Variants in AKR1C3 observed in about 807,000 individuals in gnomAD.
AKR1C3 encodes aldo-keto reductase family 1 member C3, also known as 3-alpha hydroxysteroid dehydrogenase, type II.
A neutral mutation model predicts 43.6 loss-of-function variants in AKR1C3; 48 were observed. The observed-to-expected ratio is 1.10, with a 90% CI of 0.87 to 1.40. AKR1C3 has a LOEUF of 1.40. AKR1C3 is among the 40% of genes most tolerant of loss of function. The pLI, the probability that AKR1C3 is intolerant of heterozygous loss-of-function variation, is 0.00. For missense variants in AKR1C3, 482 were observed against 391.2 expected, an observed-to-expected ratio of 1.23 and a Z score of -1.96; for synonymous variants, 162 against 139.6, an observed-to-expected ratio of 1.16 and a Z score of -1.13.
rs1281863645 is a variant in AKR1C3 at position 5,069,394 on chromosome 10, C to T, written c.84+20499C>T. ...ATTCTATTTATGAAAGTATATTCAA[C>T]ATGCTTAAACTGTCTAGAAGCCTAA... On this transcript the variant is annotated intron_variant, in intron 1 of 8. Transcript: ENST00000439082. 7.2e-5 allele frequency among the ~76,000 whole-genome samples: 11 copies of T among 152,290 alleles called. No individual in the cohort carries two copies. The East Asian group carries it at 1.7e-3, about 24-fold the overall frequency.
upstream of AKR1C3, among the ~76,000 whole-genome samples, chr10:5,090,358 G>T (rs72549133): frequency 9.7e-3 from 1,481 of 152,178 alleles, 21 homozygotes; most frequent in African/African-American, 0.034. Flanking sequence ...TCCACAACCT[G>T]GGTAGTCAGT....
chr10:5,079,653 C>G (rs1343663396), intron 1 of AKR1C3, among the ~76,000 whole-genome samples: 1 of 152,096 alleles, frequency 6.6e-6, no homozygotes, highest in African/African-American at 2.4e-5. Context: ...AGACTCACAT[C>G]TGTGTGGGGA....
chr10:5,097,884 GTGCCCAATAAAACTGCTGCACATGTGA>G, intron 3 of AKR1C3: 1 of 1,113,196 alleles, frequency 9.0e-7, no homozygotes, highest in Non-Finnish European at 1.1e-6. Context: ...TGCAGTTGTG[GTGCCCAATAAAACTGCTGCACATGTGA>G]TGCACAATGA....
intron 1 of AKR1C3, among the ~76,000 whole-genome samples, chr10:5,054,229 T>A (rs774414816): frequency 4.6e-5 from 7 of 152,228 alleles, no homozygotes; most frequent in African/African-American, 1.4e-4. Flanking sequence ...TATTTGGGAT[T>A]GTAAAGTAAG....
chr10:5,094,636 C>A, intron 1 of AKR1C3, 108 bp downstream of exon 1: 1 of 1,251,838 alleles, frequency 8.0e-7, no homozygotes. Flanking sequence ...CTGGATGACT[C>A]ACTGGTCTAG....
At chr10:5,098,222 T>C in intron 3 of AKR1C3, 1 of 972,626 alleles carries the variant, frequency 1.0e-6, no homozygotes, top group Non-Finnish European at 1.2e-6. Flanking sequence ...TACAAAAATG[T>C]ATCATTTGTC....
At chr10:5,077,983 A>G (rs537360680) in intron 1 of AKR1C3, 1 of 686,418 alleles carries the variant, frequency 1.5e-6, no homozygotes, top group South Asian at 1.6e-5. Flanking sequence ...CACAGGTAAG[A>G]ATCCTACATT....
chr10:5,098,959 G>A, intron 4 of AKR1C3, 80 bp downstream of exon 4: 1 of 1,153,570 alleles, frequency 8.7e-7, no homozygotes, highest in Non-Finnish European at 1.3e-6. Flanking sequence ...GGAAAGAATG[G>A]AATATGCACC....
intron 4 of AKR1C3, 45 bp downstream of exon 4, chr10:5,098,924 G>GA: frequency 1.3e-6 from 2 of 1,491,128 alleles, no homozygotes. Flanking sequence ...GACAAAAAGA[G>GA]AAAATCTGTT....
At chr10:5,085,200 T>A (rs1361594475) in intron 1 of AKR1C3, among the ~76,000 whole-genome samples, 5 of 152,034 alleles carry the variant, frequency 3.3e-5, no homozygotes, top group Admixed American at 6.6e-5. Context: ...CAGTATGATA[T>A]TAGCTGTGGG....
chr10:5,069,705 G>A (rs530502067), intron 1 of AKR1C3, among the ~76,000 whole-genome samples: 9 of 151,962 alleles, frequency 5.9e-5, no homozygotes, highest in South Asian at 4.2e-4. Flanking sequence ...TGAAACCCCC[G>A]TCTACTAAAA....
intron 2 of AKR1C3, 139 bp from the exon 3 acceptor site, chr10:5,097,295 A>T: frequency 9.7e-7 from 1 of 1,034,900 alleles, no homozygotes; most frequent in Non-Finnish European, 1.4e-6. Flanking sequence ...CAAAGGAATC[A>T]TGAGAAGGAA....
At chr10:5,068,645 G>C (rs1179906834) in intron 1 of AKR1C3, among the ~76,000 whole-genome samples, 1 of 152,168 alleles carries the variant, frequency 6.6e-6, no homozygotes, top group African/African-American at 2.4e-5. Context: ...GTTGTGTTCT[G>C]ATAAGATTAG....
chr10:5,088,096 C>T (rs1554783539), intron 1 of AKR1C3, among the ~76,000 whole-genome samples: 4 of 152,118 alleles, frequency 2.6e-5, no homozygotes. Context: ...TTCAGGGACA[C>T]ATTGTTTAAT....
intron 1 of AKR1C3, among the ~76,000 whole-genome samples, chr10:5,060,914 G>C (rs958787311): frequency 6.6e-6 from 1 of 152,226 alleles, no homozygotes; most frequent in Non-Finnish European, 1.5e-5. Context: ...CCTGGGGCTT[G>C]CGGGCTGGCC....
intron 5 of AKR1C3, 44 bp from the exon 6 acceptor site, chr10:5,102,057 C>A: frequency 8.3e-7 from 1 of 1,199,148 alleles, no homozygotes; most frequent in Non-Finnish European, 1.2e-6. Flanking sequence ...ATTAACATAA[C>A]TATTTCATAT....
chr10:5,060,005 C>T (rs1452147700), intron 1 of AKR1C3, among the ~76,000 whole-genome samples: 14 of 152,158 alleles, frequency 9.2e-5, no homozygotes, highest in South Asian at 6.2e-4. Flanking sequence ...TGCATGGTCT[C>T]GCTGGCTCAG....
chr10:5,075,552 A>G (rs1231255384), intron 1 of AKR1C3, among the ~76,000 whole-genome samples: 3 of 152,200 alleles, frequency 2.0e-5, no homozygotes, highest in African/African-American at 4.8e-5. Context: ...GCTTTTCCCA[A>G]GGGAATTTGT....
chr10:5,073,974 C>T (rs1441784568), intron 1 of AKR1C3, among the ~76,000 whole-genome samples: 1 of 151,710 alleles, frequency 6.6e-6, no homozygotes, highest in Non-Finnish European at 1.5e-5. Flanking sequence ...ACAAACTTGC[C>T]CCCCATTCTA....
Sources: allele counts gnomAD v4.1 joint callset (sites outside exome capture counted in the v4.1 genomes callset), GRCh38; gene constraint gnomAD v4.1.1; transcripts MANE v1.5; gene names NCBI Gene and HGNC (gene_info 2026-07-23, HGNC 2026-07-21).